The following NKAIN2 variants were observed in gnomAD, a reference collection of about 807,000 sequenced individuals.
The protein encoded by NKAIN2 is sodium/potassium-transporting ATPase subunit beta-1-interacting protein 2.
In NKAIN2, 14 loss-of-function variants were observed where a neutral mutation model predicts 32.6. That is an observed-to-expected ratio of 0.43 (90% confidence interval 0.28 to 0.67). NKAIN2 has a LOEUF of 0.67. Among genes scored for constraint, NKAIN2 ranks in the 30% least tolerant of loss-of-function variants. The pLI is 0.17. For synonymous variants in NKAIN2, 80 were observed against 87.2 expected (o/e 0.92, Z 0.46); for missense variants, 198 against 258.3 (o/e 0.77, Z 1.60).
chr6:124,075,762 A>AT (rs1166283422), intron 1 of NKAIN2, among the ~76,000 whole-genome samples: 1 of 151,958 alleles, frequency 6.6e-6, no homozygotes, highest in Non-Finnish European at 1.5e-5. Context: ...TGTCCGGCTA[A>AT]TTTTTGTATT....
chr6:124,656,104 G>A (rs1238421346), intron 3 of NKAIN2, among the ~76,000 whole-genome samples: 5 of 152,090 alleles, frequency 3.3e-5, no homozygotes, highest in Non-Finnish European at 7.4e-5. Context: ...AACATTAAAT[G>A]ATCATGATTT....
intron 1 of NKAIN2, among the ~76,000 whole-genome samples, chr6:124,128,508 C>T (rs1002065130): frequency 2.0e-5 from 3 of 151,850 alleles, no homozygotes; most frequent in African/African-American, 7.3e-5. Flanking sequence ...TTATATGTAC[C>T]CTTAATATTA....
intron 1 of NKAIN2, among the ~76,000 whole-genome samples, chr6:123,962,982 G>A (rs1777916958): frequency 1.3e-5 from 2 of 152,156 alleles, no homozygotes; most frequent in African/African-American, 4.8e-5. Context: ...TCAGCTCACT[G>A]TTATTTTATT....
intron 3 of NKAIN2, among the ~76,000 whole-genome samples, chr6:124,518,618 G>A (rs185420679): frequency 6.6e-6 from 1 of 152,020 alleles, no homozygotes; most frequent in East Asian, 1.9e-4. Context: ...AGCCATGATA[G>A]GTCTACCCCC....
chr6:124,358,314 T>A (rs1345498238), intron 3 of NKAIN2, among the ~76,000 whole-genome samples: 7 of 152,108 alleles, frequency 4.6e-5, no homozygotes, highest in Non-Finnish European at 8.8e-5. Context: ...CTGGGTCAAA[T>A]GATATTTCTA....
At chr6:124,679,834 G>T (rs903034958) in intron 4 of NKAIN2, among the ~76,000 whole-genome samples, 2 of 152,096 alleles carry the variant, frequency 1.3e-5, no homozygotes, top group Admixed American at 1.3e-4. Flanking sequence ...GAACTAGGCA[G>T]GTTTATATGG....
At chr6:124,326,083 T>A (rs1797397799) in intron 2 of NKAIN2, among the ~76,000 whole-genome samples, 1 of 151,800 alleles carries the variant, frequency 6.6e-6, no homozygotes, top group Non-Finnish European at 1.5e-5. Flanking sequence ...TTTTGTTATT[T>A]TTATTTTATC....
At chr6:124,248,106 C>T (rs1368013928) in intron 1 of NKAIN2, among the ~76,000 whole-genome samples, 1 of 151,892 alleles carries the variant, frequency 6.6e-6, no homozygotes, top group Non-Finnish European at 1.5e-5. Flanking sequence ...CAAATGAGCT[C>T]CAGAATACAT....
At chr6:124,337,879 AT>A (rs1292935055) in intron 2 of NKAIN2, among the ~76,000 whole-genome samples, 1 of 152,212 alleles carries the variant, frequency 6.6e-6, no homozygotes. Context: ...TGAGCTCCTC[AT>A]GAGGAACAAG....
At chr6:124,752,434 AT>A (rs1777765225) in intron 4 of NKAIN2, among the ~76,000 whole-genome samples, 1 of 151,718 alleles carries the variant, frequency 6.6e-6, no homozygotes, top group South Asian at 2.1e-4. Flanking sequence ...AGGGTATCTT[AT>A]TTTCTTCAAG....
intron 1 of NKAIN2, among the ~76,000 whole-genome samples, chr6:123,941,045 T>G (rs570842447): frequency 2.6e-4 from 40 of 152,054 alleles, no homozygotes; most frequent in African/African-American, 8.4e-4. Flanking sequence ...TTTATTTTAT[T>G]TTTTACTTTT....
At chr6:123,813,574 G>A (rs12197186) in intron 1 of NKAIN2, among the ~76,000 whole-genome samples, 20,065 of 152,078 alleles carry the variant, frequency 0.13, 2,844 homozygotes, top group African/African-American at 0.35. Context: ...CACTTTGGGA[G>A]GCCGAGGCCG....
At chr6:124,089,653 C>T (rs1784337753) in intron 1 of NKAIN2, among the ~76,000 whole-genome samples, 1 of 151,918 alleles carries the variant, frequency 6.6e-6, no homozygotes, top group African/African-American at 2.4e-5. Flanking sequence ...GTTCCCTGAA[C>T]CCGGGTGCCT....
intron 3 of NKAIN2, among the ~76,000 whole-genome samples, chr6:124,365,047 T>TA (rs1337406348): frequency 6.6e-6 from 1 of 151,856 alleles, no homozygotes; most frequent in Non-Finnish European, 1.5e-5. Context: ...GCATAACTCC[T>TA]AAAAACTAAG....
intron 1 of NKAIN2, among the ~76,000 whole-genome samples, chr6:124,133,977 A>T (rs747716359): frequency 1.3e-5 from 2 of 152,164 alleles, no homozygotes; most frequent in Non-Finnish European, 2.9e-5. Flanking sequence ...ACAGAGTTCT[A>T]TAACACCCCC....
intron 4 of NKAIN2, among the ~76,000 whole-genome samples, chr6:124,752,221 A>G (rs547728326): frequency 6.6e-6 from 1 of 151,968 alleles, no homozygotes; most frequent in Admixed American, 6.6e-5. Flanking sequence ...AAAAGCTTAC[A>G]TATTGCTCTT....
chr6:124,257,996 G>T (rs746768066), intron 1 of NKAIN2, among the ~76,000 whole-genome samples: 3 of 151,880 alleles, frequency 2.0e-5, no homozygotes, highest in Non-Finnish European at 2.9e-5. Flanking sequence ...GGCCAGGCTG[G>T]TCTCAAACTC....
intron 4 of NKAIN2, among the ~76,000 whole-genome samples, chr6:124,705,840 A>C (rs1177905510): frequency 6.6e-6 from 1 of 152,058 alleles, no homozygotes; most frequent in Non-Finnish European, 1.5e-5. Context: ...TCAATTAAGC[A>C]TATGTTATTT....
At chr6:124,731,889 C>T (rs1269016313) in intron 4 of NKAIN2, among the ~76,000 whole-genome samples, 2 of 152,026 alleles carry the variant, frequency 1.3e-5, no homozygotes, top group Non-Finnish European at 2.9e-5. Flanking sequence ...GTAGTGTCTA[C>T]ATAACAGTAT....
Sources: allele counts gnomAD v4.1 joint callset (sites outside exome capture counted in the v4.1 genomes callset), GRCh38; gene constraint gnomAD v4.1.1; transcripts MANE v1.5; gene names NCBI Gene and HGNC (gene_info 2026-07-23, HGNC 2026-07-21).